The following INO80 variants were observed in gnomAD, a reference collection of about 807,000 sequenced individuals.
INO80 encodes INO80 complex ATPase subunit.
A neutral mutation model predicts 203.4 loss-of-function variants in INO80; 20 were observed. The observed-to-expected ratio is 0.10, with a 90% confidence interval of 0.07 to 0.14. INO80 has a LOEUF of 0.14. INO80 is among the 10% of genes least tolerant of loss of function. INO80 has a pLI of 1.00. For missense variants in INO80, 1,419 were observed against 1,914.4 expected (o/e 0.74, Z 4.83); for synonymous variants, 726 against 685.2 (o/e 1.06, Z -0.93).
chr15:41,035,639 G>A (rs546406534), intron 24 of INO80, among the ~76,000 whole-genome samples: 1 of 151,644 alleles, frequency 6.6e-6, no homozygotes, highest in Admixed American at 6.6e-5. Flanking sequence ...GGCCAACATG[G>A]TGAAACCCCG....
intron 9 of INO80, among the ~76,000 whole-genome samples, chr15:41,076,359 C>CAAAAG (rs1217912861): frequency 7.6e-6 from 1 of 131,378 alleles, no homozygotes; most frequent in Non-Finnish European, 1.5e-5. Context: ...GACTCTGTCT[C>CAAAAG]AAAACAAAAC....
chr15:41,065,155 AGGCCAGGCTC>A (rs1345863466), intron 14 of INO80, among the ~76,000 whole-genome samples: 1 of 152,018 alleles, frequency 6.6e-6, no homozygotes, highest in African/African-American at 2.4e-5. Context: ...AACAGGTAGC[AGGCCAGGCTC>A]GGTGATTCAC....
intron 12 of INO80, among the ~76,000 whole-genome samples, chr15:41,070,798 T>A (rs1021266336): frequency 2.0e-5 from 3 of 152,170 alleles, no homozygotes; most frequent in African/African-American, 7.2e-5. Flanking sequence ...CAAAAGCAAT[T>A]AGATTTACCA....
intron 1 of INO80, among the ~76,000 whole-genome samples, chr15:41,112,357 A>G (rs2045969606): frequency 6.6e-6 from 1 of 152,222 alleles, no homozygotes; most frequent in African/African-American, 2.4e-5. Context: ...AGAAAATTAA[A>G]ATGATAATAT....
At chr15:41,100,111 G>C (rs181314860) in intron 1 of INO80, among the ~76,000 whole-genome samples, 209 of 151,654 alleles carry the variant, frequency 1.4e-3, no homozygotes, top group African/African-American at 4.6e-3. Flanking sequence ...ACAAAGTCTT[G>C]TAGCCGAGGC....
chr15:41,036,589 C>T (rs960061477), intron 24 of INO80, among the ~76,000 whole-genome samples: 13 of 152,244 alleles, frequency 8.5e-5, no homozygotes, highest in Admixed American at 6.5e-5. Flanking sequence ...GGCTAGAAGA[C>T]ATTCCCTCAG....
intron 33 of INO80, 75 bp from the exon 34 acceptor site, chr15:40,983,996 T>C: frequency 1.3e-6 from 2 of 1,531,358 alleles, no homozygotes; most frequent in Non-Finnish European, 1.8e-6. Context: ...GCTAGGAACA[T>C]GCTTCACAGT....
At chr15:41,069,442 T>C (rs767372866) in intron 14 of INO80, 128 bp downstream of exon 14, 37 of 560,300 alleles carry the variant, frequency 6.6e-5, no homozygotes, top group Non-Finnish European at 1.1e-4. Context: ...AGTGCTGAGA[T>C]TACAAGTGTG....
Position 41,072,081 on chromosome 15 carries a change from A to T in INO80, c.1396-23T>A. 3 of 1,355,684 alleles carry T rather than the reference A, an allele frequency of 2.2e-6. No individual in the cohort carries two copies. Among genetic ancestry groups the T allele is most frequent in the East Asian group, 2.4e-5 (1 of 42,202 alleles). The allele number at this position is 1,355,684 out of a possible 1,614,324, so 84.0% of individuals were successfully genotyped here. On this transcript the variant is annotated intron_variant, in intron 11 of 35. Transcript: ENST00000648947. ...TGTCTGGAAAGTAAAAAAAAAAAAA[A>T]TTAGAAAAAAAAAAAAGAGGAAAAA...
chr15:41,093,998 T>C (rs1247068176), intron 4 of INO80, among the ~76,000 whole-genome samples: 2 of 152,222 alleles, frequency 1.3e-5, no homozygotes, highest in Non-Finnish European at 2.9e-5. Context: ...TCGGACCTTT[T>C]ACACATGAGC....
intron 24 of INO80, among the ~76,000 whole-genome samples, chr15:41,044,017 C>G (rs558631790): frequency 6.6e-6 from 1 of 152,136 alleles, no homozygotes; most frequent in South Asian, 2.1e-4. Flanking sequence ...AGGAGTCACA[C>G]AACAAAACAA....
At chr15:41,113,712 C>T (rs1467963362) in intron 1 of INO80, among the ~76,000 whole-genome samples, 1 of 152,190 alleles carries the variant, frequency 6.6e-6, no homozygotes, top group Non-Finnish European at 1.5e-5. Context: ...ATCCTCTTGC[C>T]TCCTGAGTAA....
At position 41,073,580 on chromosome 15, in the gene INO80, T is replaced by A. The variant is rs1596310545; in HGVS notation, c.1328-85A>T. ...ATTAACACCAATGTATGTGGATCCC[T>A]GATTCCCTCATTCTACTTATCCCTG... On this transcript the variant is annotated intron_variant, in intron 10 of 35. Transcript: ENST00000648947. 15 of 1,058,718 alleles carry A rather than the reference T, an allele frequency of 1.4e-5. No individual in the cohort carries two copies. The East Asian group carries it at 3.6e-4, about 25-fold the overall frequency. 65.6% of individuals were successfully genotyped at this position (1,058,718 alleles called of 1,614,324 possible).
In INO80 at chr15:41,024,936, G is replaced by A. The variant is rs535524678; in HGVS notation, c.3048+2660C>T. On this transcript the variant is annotated intron_variant, in intron 25 of 35. Transcript: ENST00000648947. ...TGATCTGAATCCCTAGGACTGATCT[G>A]AAAGGTAAAAGTTGTAGATCTGTGT... Among the ~76,000 whole-genome samples, 3 of 152,318 alleles carry A rather than the reference G, an allele frequency of 2.0e-5. No individual in the cohort carries two copies. The South Asian group carries it at 6.2e-4, about 32-fold the overall frequency.
chr15:40,979,822 AC>A lies in INO80; in HGVS notation c.*400del. On this transcript the variant is annotated 3_prime_UTR_variant, in exon 36 of 36. Transcript: ENST00000648947. ...AATCACACTCTTAAGAGAAATCTCT[AC>A]CATGGAAGGCTCTTCACAGCACCTG... The A allele has an allele frequency of 8.8e-6, 2 of 226,116 alleles. No individual in the cohort carries two copies. Among genetic ancestry groups the A allele is most frequent in the Non-Finnish European group, 1.8e-5 (2 of 112,220 alleles). 14.0% of individuals were successfully genotyped at this position (226,116 alleles called of 1,614,324 possible).
chr15:40,998,040 T>TTTA (rs1475034098), intron 28 of INO80, among the ~76,000 whole-genome samples: 1 of 78,774 alleles, frequency 1.3e-5, no homozygotes, highest in African/African-American at 4.6e-5. Flanking sequence ...TTTTTTTTTT[T>TTTA]AGACGTAGTC....
intron 9 of INO80, among the ~76,000 whole-genome samples, chr15:41,078,000 A>C (rs1412597811): frequency 6.6e-6 from 1 of 151,332 alleles, no homozygotes; most frequent in Non-Finnish European, 1.5e-5. Context: ...TCCCGGGTTC[A>C]AGCAATTCTC....
At position 40,980,312 on chromosome 15, in the gene INO80, G is replaced by A; in HGVS notation, c.4582C>T (p.Pro1528Ser). 1 of 1,614,002 alleles carries A rather than the reference G, an allele frequency of 6.2e-7. No homozygotes were observed. The highest frequency in any genetic ancestry group is 8.5e-7 in the Non-Finnish European group (1 of 1,180,034). The stretch of plus-strand genomic sequence containing the variant: ...CTGCTGGTCATGTGGAGGTTCTTGG[G>A]ATTCCCAGGAACATTATTTCCCTTG... ...LSKGNNVPGN[P>S]KNLHMTSSLA... is the part of the protein sequence containing the mutation. The change falls in exon 36 of 36, where the codon CCC (proline) becomes TCC (serine). Residue 1528 changes from proline (P) to serine (S), a missense_variant. Physicochemically the swap from Pro to Ser is moderately conservative, Grantham distance 74 (BLOSUM62 -1). Transcript: ENST00000648947.
chr15:41,033,390 G>A (rs2044520906), intron 24 of INO80, among the ~76,000 whole-genome samples: 1 of 149,088 alleles, frequency 6.7e-6, no homozygotes, highest in Non-Finnish European at 1.5e-5. Flanking sequence ...CTGGGGTGCA[G>A]TAGTGTGATC....
Sources: allele counts gnomAD v4.1 joint callset (sites outside exome capture counted in the v4.1 genomes callset), GRCh38; gene constraint gnomAD v4.1.1; transcripts MANE v1.5; gene names NCBI Gene and HGNC (gene_info 2026-07-23, HGNC 2026-07-21).